Variants in XKR4 observed in about 807,000 individuals in gnomAD.
The protein encoded by XKR4 is XK related 4.
In XKR4, 12 loss-of-function variants were observed where a neutral mutation model predicts 53.9. The ratio of observed to expected loss-of-function variants is 0.22; its 90% CI spans 0.14 to 0.36. XKR4 has a LOEUF of 0.36. Among genes scored for constraint, XKR4 ranks in the 10% least tolerant of loss-of-function variants. The pLI, the probability that XKR4 is intolerant of heterozygous loss-of-function variation, is 1.00. For missense variants in XKR4, 799 were observed against 859.5 expected, an observed-to-expected ratio of 0.93 and a Z score of 0.88; for synonymous variants, 354 against 362.4, an observed-to-expected ratio of 0.98 and a Z score of 0.26.
intron 1 of XKR4, among the ~76,000 whole-genome samples, chr8:55,323,176 A>T (rs1286692208): frequency 6.6e-6 from 1 of 152,172 alleles, no homozygotes; most frequent in Non-Finnish European, 1.5e-5. Context: ...GCTTTTTAAC[A>T]TATATGTGGT....
intron 1 of XKR4, among the ~76,000 whole-genome samples, chr8:55,224,210 G>A (rs1303240045): frequency 6.6e-6 from 1 of 151,612 alleles, no homozygotes; most frequent in African/African-American, 2.4e-5. Context: ...ATTTCACACT[G>A]GTTCTCATTT....
At chr8:55,483,546 G>A (rs556719927) in intron 2 of XKR4, among the ~76,000 whole-genome samples, 1 of 152,202 alleles carries the variant, frequency 6.6e-6, no homozygotes, top group African/African-American at 2.4e-5. Context: ...ACTCATGGGT[G>A]ATCACGGATG....
intron 1 of XKR4, among the ~76,000 whole-genome samples, chr8:55,195,110 G>A (rs773429970): frequency 1.3e-5 from 2 of 152,030 alleles, no homozygotes; most frequent in Non-Finnish European, 2.9e-5. Context: ...AAATAGAGTC[G>A]ATACTGTCCC....
At chr8:55,476,930 G>A (rs1280268752) in intron 2 of XKR4, among the ~76,000 whole-genome samples, 1 of 152,132 alleles carries the variant, frequency 6.6e-6, no homozygotes, top group Non-Finnish European at 1.5e-5. Context: ...ACAGCTCAAG[G>A]AGGCCTGCCT....
chr8:55,508,544 C>T (rs1210114818), intron 2 of XKR4, among the ~76,000 whole-genome samples: 1 of 152,124 alleles, frequency 6.6e-6, no homozygotes, highest in South Asian at 2.1e-4. Flanking sequence ...TTTCTGGCCA[C>T]CAGTGGGGAG....
chr8:55,181,844 A>C (rs1436979714), intron 1 of XKR4, among the ~76,000 whole-genome samples: 1 of 152,110 alleles, frequency 6.6e-6, no homozygotes, highest in Admixed American at 6.6e-5. Context: ...CAGCTTAAAA[A>C]TCTTCTCCCA....
At chr8:55,263,697 G>C (rs1382658092) in intron 1 of XKR4, among the ~76,000 whole-genome samples, 2 of 152,138 alleles carry the variant, frequency 1.3e-5, no homozygotes, top group African/African-American at 2.4e-5. Flanking sequence ...TTTGAGCTAT[G>C]AATTTCTTTC....
chr8:55,398,033 A>G (rs1294643451), intron 2 of XKR4, among the ~76,000 whole-genome samples: 2 of 152,220 alleles, frequency 1.3e-5, no homozygotes, highest in Non-Finnish European at 2.9e-5. Context: ...AAATCTATCT[A>G]GTCTTTTTAA....
intron 2 of XKR4, among the ~76,000 whole-genome samples, chr8:55,426,698 T>TGATATTTAG (rs1238668712): frequency 6.6e-6 from 1 of 152,206 alleles, no homozygotes; most frequent in African/African-American, 2.4e-5. Context: ...AAATAGGCTC[T>TGATATTTAG]GATATTTAGG....
At chr8:55,194,829 C>A (rs551202288) in intron 1 of XKR4, among the ~76,000 whole-genome samples, 109 of 152,282 alleles carry the variant, frequency 7.2e-4, no homozygotes, top group Non-Finnish European at 1.5e-3. Flanking sequence ...GAGTGGGAGG[C>A]AATCTGTGGC....
rs568229215 is a variant in XKR4, at chr8:55,463,441, C to G, written c.1007-59840C>G. ...TTTGAAACCAACGAGAACAAAGACA[C>G]AACATACCAGAATCTCTGGGACACA... is the stretch of plus-strand genomic sequence containing the variant. On this transcript the variant is annotated intron_variant, in intron 2 of 2. Coordinates refer to ENST00000327381, the MANE Select transcript of XKR4 (RefSeq NM_052898.2). 3.4e-4 allele frequency among the ~76,000 whole-genome samples: 52 copies of G among 151,138 alleles called. No homozygotes were observed. In the East Asian group the frequency reaches 8.7e-3, roughly 25 times the overall value.
chr8:55,386,042 A>T (rs973440822), intron 2 of XKR4, among the ~76,000 whole-genome samples: 1 of 152,254 alleles, frequency 6.6e-6, no homozygotes, highest in Non-Finnish European at 1.5e-5. Context: ...CAGAAGACAG[A>T]GTCTGAAGCC....
At position 55,537,115 on chromosome 8, in the gene XKR4, A is replaced by C. The variant is rs1241160289; in HGVS notation, c.*12888A>C. On this transcript the variant is annotated 3_prime_UTR_variant, in exon 3 of 3. Transcript: ENST00000327381. ...TTTTTCCCAAAACAAACAAAATACC[A>C]TACATAGTTTTTTGGGTTTGGTTTG... The C allele has an allele frequency of 6.6e-6, 1 of 152,236 alleles. No homozygotes were observed. The highest frequency in any genetic ancestry group is 1.5e-5 in the Non-Finnish European group (1 of 68,040). 9.4% of individuals were successfully genotyped at this position (152,236 alleles called of 1,614,324 possible). A position where few individuals can be genotyped will look rare whatever the true frequency, so the allele number is the denominator to read the frequency against.
intron 1 of XKR4, among the ~76,000 whole-genome samples, chr8:55,315,533 C>A (rs1428611586): frequency 6.6e-6 from 1 of 152,088 alleles, no homozygotes; most frequent in East Asian, 1.9e-4. Flanking sequence ...GAATAACTTG[C>A]CTGTAGTCCT....
intron 1 of XKR4, among the ~76,000 whole-genome samples, chr8:55,185,280 A>G (rs755260507): frequency 6.6e-6 from 1 of 152,222 alleles, no homozygotes; most frequent in African/African-American, 2.4e-5. Context: ...TTCAGTATTG[A>G]TATGTTTCAG....
chr8:55,283,263 G>C (rs1818864398), intron 1 of XKR4, among the ~76,000 whole-genome samples: 1 of 152,198 alleles, frequency 6.6e-6, no homozygotes, highest in Non-Finnish European at 1.5e-5. Context: ...ATGGTGCTAA[G>C]TGCTTTATTT....
At chr8:55,421,919 C>T (rs1300522793) in intron 2 of XKR4, among the ~76,000 whole-genome samples, 1 of 152,140 alleles carries the variant, frequency 6.6e-6, no homozygotes, top group Non-Finnish European at 1.5e-5. Flanking sequence ...CCTTTGTCTT[C>T]GCTAATTCAG....
At chr8:55,454,908 C>T in intron 2 of XKR4, 1 of 769,822 alleles carries the variant, frequency 1.3e-6, no homozygotes, top group African/African-American at 1.7e-5. Flanking sequence ...GGTCAAGCAG[C>T]ACAGTAGTGG....
At chr8:55,238,009 A>C (rs543103634) in intron 1 of XKR4, among the ~76,000 whole-genome samples, 2 of 152,322 alleles carry the variant, frequency 1.3e-5, no homozygotes, top group South Asian at 4.1e-4. Context: ...AAAAGAAACA[A>C]ACAGAAGTCT....
Sources: gnomAD v4.1 joint callset for allele counts (sites outside exome capture counted in the v4.1 genomes callset) on GRCh38, gnomAD v4.1.1 for gene constraint, MANE v1.5 for transcripts, NCBI Gene and HGNC (gene_info 2026-07-23, HGNC 2026-07-21) for gene names.